The following SH3D19 variants were observed in gnomAD, a reference collection of about 807,000 sequenced individuals.
The protein encoded by SH3D19 is SH3 domain-containing protein 19.
Under a neutral mutation model 112.1 loss-of-function variants are expected in SH3D19, and 58 were observed. The observed-to-expected ratio is 0.52, with a 90% CI of 0.42 to 0.64. SH3D19 has a LOEUF of 0.64. Among genes scored for constraint, SH3D19 ranks in the 30% least tolerant of loss-of-function variants. The pLI, the probability that SH3D19 is intolerant of heterozygous loss-of-function variation, is 0.00. For missense variants in SH3D19, 1,090 were observed against 1,263.4 expected, an observed-to-expected ratio of 0.86 and a Z score of 2.08; for synonymous variants, 391 against 448.5, an observed-to-expected ratio of 0.87 and a Z score of 1.62.
chr4:151,273,589 CAAAAAA>C (rs60600816), intron 1 of SH3D19, among the ~76,000 whole-genome samples: 3 of 64,646 alleles, frequency 4.6e-5, no homozygotes, highest in Admixed American at 1.9e-4. Context: ...GACTCCATCT[CAAAAAA>C]AAAAAAAAAA....
At chr4:151,299,923 C>T (rs1409501470) in intron 1 of SH3D19, among the ~76,000 whole-genome samples, 4 of 152,124 alleles carry the variant, frequency 2.6e-5, no homozygotes, top group South Asian at 2.1e-4. Flanking sequence ...CAATGTCGGC[C>T]GGGTGTGGTG....
At chr4:151,173,119 C>T (rs952104420) in intron 7 of SH3D19, among the ~76,000 whole-genome samples, 5 of 152,128 alleles carry the variant, frequency 3.3e-5, no homozygotes, top group African/African-American at 4.8e-5. Context: ...CTAGATGATA[C>T]AAAATAAATT....
Position 151,176,700 on chromosome 4 carries a change from G to T in SH3D19, c.376-13C>A. On this transcript the variant is annotated splice_polypyrimidine_tract_variant and intron_variant, in intron 5 of 19. Coordinates refer to ENST00000604030, the MANE Select transcript of SH3D19 (RefSeq NM_001378122.1). ...AAGATGGTGGGAGCTGAAAAGTAAA[G>T]AATGAAGATTTTAGACATCTAAGGG... 8.1e-7 allele frequency: 1 copy of T among 1,231,912 alleles called. No individual in the cohort carries two copies. The highest frequency in any genetic ancestry group is 1.0e-6 in the Non-Finnish European group (1 of 987,724). 76.3% of individuals were successfully genotyped at this position (1,231,912 alleles called of 1,614,324 possible).
chr4:151,128,323 G>A lies in SH3D19; in HGVS notation c.2776C>T (p.Leu926Phe). Residue 926 changes from leucine to phenylalanine, a missense_variant, in exon 18 of 20, where the codon CTT (leucine) becomes TTT (phenylalanine). Leu to Phe is a conservative substitution (Grantham distance 22). Coordinates refer to ENST00000604030, the MANE Select transcript of SH3D19 (RefSeq NM_001378122.1). ...CTGGTCTCTGCTGTAAAACTGTGAA[G>A]AGCTTCACACCATTCTGCCGGAAGA... is the stretch of plus-strand genomic sequence containing the variant. Reference protein sequence around the residue: ...NSLPAEWCEALHSFTAETSDD... With the variant: ...NSLPAEWCEAFHSFTAETSDD... 6.2e-7 allele frequency: 1 copy of A among 1,613,872 alleles called. No homozygotes were observed.
At chr4:151,170,689 A>T (rs1579939670) in intron 7 of SH3D19, 1 of 152,284 alleles carries the variant, frequency 6.6e-6, no homozygotes, top group Middle Eastern at 3.4e-3. Context: ...AGACGACAAG[A>T]GATAATTCTC....
At chr4:151,227,838 G>A (rs1277539775) in intron 1 of SH3D19, 3 of 985,268 alleles carry the variant, frequency 3.0e-6, no homozygotes, top group Admixed American at 1.2e-4. Flanking sequence ...AGTTTACTTA[G>A]GCATGTAATA....
At chr4:151,247,827 A>G (rs1771048874) in intron 1 of SH3D19, among the ~76,000 whole-genome samples, 1 of 152,230 alleles carries the variant, frequency 6.6e-6, no homozygotes, top group Non-Finnish European at 1.5e-5. Context: ...TTTAACTTTA[A>G]GAATTGAATG....
At chr4:151,283,375 G>C in intron 1 of SH3D19, 1 of 1,187,028 alleles carries the variant, frequency 8.4e-7, no homozygotes, top group Non-Finnish European at 1.2e-6. Context: ...AGTGGATTGG[G>C]AGTCAGGAGA....
intron 2 of SH3D19, among the ~76,000 whole-genome samples, chr4:151,224,629 T>C (rs1768688231): frequency 6.6e-6 from 1 of 152,222 alleles, no homozygotes. Context: ...GGTTTTACCA[T>C]CCTAAGTATT....
chr4:151,229,913 T>TCAAAAA (rs964095398), intron 1 of SH3D19, among the ~76,000 whole-genome samples: 7 of 152,132 alleles, frequency 4.6e-5, no homozygotes, highest in Admixed American at 2.0e-4. Flanking sequence ...AAACTCTGTC[T>TCAAAAA]CAAAAACAAA....
chr4:151,148,339 T>C (rs1034940756), intron 10 of SH3D19, among the ~76,000 whole-genome samples, 153 bp from the exon 11 acceptor site: 2 of 151,892 alleles, frequency 1.3e-5, no homozygotes, highest in Non-Finnish European at 2.9e-5. Flanking sequence ...ACATGCAGGG[T>C]ATGCTATTTT....
intron 1 of SH3D19, among the ~76,000 whole-genome samples, chr4:151,322,261 C>T (rs1332782835): frequency 6.6e-6 from 1 of 151,590 alleles, no homozygotes; most frequent in Non-Finnish European, 1.5e-5. Flanking sequence ...GGTGAAACCC[C>T]GTCTCCACTA....
At chr4:151,285,759 T>C (rs968368716) in intron 1 of SH3D19, among the ~76,000 whole-genome samples, 2 of 151,890 alleles carry the variant, frequency 1.3e-5, no homozygotes, top group Admixed American at 1.3e-4. Context: ...CCCAGCTACT[T>C]AGGAGACTGG....
chr4:151,304,927 A>G (rs1728791306), intron 1 of SH3D19, among the ~76,000 whole-genome samples: 1 of 152,230 alleles, frequency 6.6e-6, no homozygotes, highest in Non-Finnish European at 1.5e-5. Context: ...GCCCATCTGC[A>G]TAAGCTGGGA....
chr4:151,322,562 T>C (rs2126414573), intron 1 of SH3D19, among the ~76,000 whole-genome samples: 1 of 152,056 alleles, frequency 6.6e-6, no homozygotes, highest in South Asian at 2.1e-4. Context: ...TGAAGATATT[T>C]TATTACTTTA....
chr4:151,268,023 A>G (rs577339465), intron 1 of SH3D19, among the ~76,000 whole-genome samples: 14 of 152,314 alleles, frequency 9.2e-5, no homozygotes, highest in African/African-American at 3.1e-4. Context: ...TTAATGATGG[A>G]GATCCGTCCT....
At position 151,148,109 on chromosome 4, in the gene SH3D19, A is replaced by G. The variant is rs748563912; in HGVS notation, c.1895T>C (p.Leu632Pro). The change falls in exon 11 of 20, where the codon CTT becomes CCT. Residue 632 changes from leucine to proline, a missense_variant. Coordinates refer to ENST00000604030, the MANE Select transcript of SH3D19 (RefSeq NM_001378122.1). ...CTTATTAGATCTTCTGGTTGCAGAAAGCTTTGGGGGAGGTGGTCTCTCAGG... is the reference window on the plus strand; with the variant it reads ...CTTATTAGATCTTCTGGTTGCAGAAGGCTTTGGGGGAGGTGGTCTCTCAGG... ...VPPERPPPPK[L>P]SATRRSNKKL... 6 of 1,614,110 alleles carry G rather than the reference A, an allele frequency of 3.7e-6. No homozygotes were observed. Among genetic ancestry groups the G allele is most frequent in the Non-Finnish European group, 5.1e-6 (6 of 1,180,022 alleles).
chr4:151,172,623 C>T (rs1759276522), intron 7 of SH3D19, among the ~76,000 whole-genome samples: 1 of 152,176 alleles, frequency 6.6e-6, no homozygotes. Flanking sequence ...ACATTTAACC[C>T]TTGCAATACC....
intron 1 of SH3D19, among the ~76,000 whole-genome samples, chr4:151,287,878 CTCT>C (rs1284766915): frequency 6.6e-6 from 1 of 152,100 alleles, no homozygotes; most frequent in Non-Finnish European, 1.5e-5. Context: ...AGACCCCTCT[CTCT>C]TTTTTTATTT....
Sources: allele counts gnomAD v4.1 joint callset (sites outside exome capture counted in the v4.1 genomes callset), GRCh38; gene constraint gnomAD v4.1.1; transcripts MANE v1.5; gene names NCBI Gene and HGNC (gene_info 2026-07-23, HGNC 2026-07-21).